The following SIK3 variants were observed in gnomAD, a reference collection of about 807,000 sequenced individuals.
The protein encoded by SIK3 is SIK family kinase 3, also known as serine/threonine-protein kinase SIK3.
A neutral mutation model predicts 144.2 loss-of-function variants in SIK3; 28 were observed. That is an observed-to-expected ratio of 0.19 (90% CI 0.14 to 0.27). The LOEUF is 0.27. Among genes scored for constraint, SIK3 ranks in the 10% least tolerant of loss-of-function variants. SIK3 has a pLI of 1.00. For synonymous variants in SIK3, 686 were observed against 676.3 expected (o/e 1.01, Z -0.22); for missense variants, 1,319 against 1,776.0 (o/e 0.74, Z 4.62).
At chr11:116,898,303 C>T (rs1945536681) in intron 4 of SIK3, among the ~76,000 whole-genome samples, 1 of 152,164 alleles carries the variant, frequency 6.6e-6, no homozygotes, top group South Asian at 2.1e-4. Flanking sequence ...AGGACATGAA[C>T]TCATCATTTT....
At chr11:117,005,240 C>T (rs367661858) in intron 1 of SIK3, among the ~76,000 whole-genome samples, 1 of 146,390 alleles carries the variant, frequency 6.8e-6, no homozygotes, top group African/African-American at 2.6e-5. Flanking sequence ...GTCAGGAGTT[C>T]GAGACCAGCC....
Position 116,849,745 on chromosome 11 carries a change from A to T in SIK3, c.3656-462T>A, listed in dbSNP as rs1400949410. On this transcript the variant is annotated intron_variant, in intron 21 of 24. Coordinates refer to ENST00000445177, the MANE Select transcript of SIK3 (RefSeq NM_001366686.3). This position sits in a 1 kb window ranked among gnomAD's most constrained non-coding sequence, Gnocchi z 4.2. ...TCTACTTCTCTAACTGCTGCTTCTG[A>T]CTCCTTTGATGGCCCCTCCACCCTT... 6.6e-6 allele frequency among the ~76,000 whole-genome samples: 1 copy of T among 150,956 alleles called. No individual in the cohort carries two copies. The highest frequency in any genetic ancestry group is 1.9e-4 in the East Asian group (1 of 5,130).
intron 1 of SIK3, among the ~76,000 whole-genome samples, chr11:117,003,973 C>A (rs1950950728): frequency 6.6e-6 from 1 of 152,140 alleles, no homozygotes; most frequent in Admixed American, 6.5e-5. Context: ...GAGCATCTAT[C>A]TACAAAAATT....
chr11:116,972,821 CAT>C (rs1491320276), intron 1 of SIK3, among the ~76,000 whole-genome samples: 1 of 152,120 alleles, frequency 6.6e-6, no homozygotes, highest in Non-Finnish European at 1.5e-5. Context: ...CACACACACA[CAT>C]AATGACAGAC....
chr11:117,023,615 A>ATATATATATATAT (rs1555131677), intron 1 of SIK3, among the ~76,000 whole-genome samples: 5 of 104,006 alleles, frequency 4.8e-5, no homozygotes, highest in East Asian at 5.2e-4. Context: ...CAAACAAAAA[A>ATATATATATATAT]AAAAAAATAT....
At chr11:116,986,924 T>C (rs1451226083) in intron 1 of SIK3, among the ~76,000 whole-genome samples, 6 of 152,042 alleles carry the variant, frequency 3.9e-5, no homozygotes, top group African/African-American at 9.7e-5. Flanking sequence ...CTCAAACTCA[T>C]AGAAACAGAA....
intron 1 of SIK3, among the ~76,000 whole-genome samples, chr11:116,977,470 T>C (rs11216209): frequency 0.073 from 11,024 of 152,048 alleles, 493 homozygotes; most frequent in Middle Eastern, 0.11. Context: ...GCTTTTTAGT[T>C]AAAAAAAGAC....
At chr11:116,944,813 G>C (rs1461696610) in intron 3 of SIK3, among the ~76,000 whole-genome samples, 2 of 152,182 alleles carry the variant, frequency 1.3e-5, no homozygotes, top group East Asian at 3.9e-4. Context: ...AGCAGAGTGA[G>C]GGGTGATCTT....
At chr11:116,931,205 G>C (rs754333838) in intron 3 of SIK3, among the ~76,000 whole-genome samples, 13 of 152,158 alleles carry the variant, frequency 8.5e-5, no homozygotes, top group Non-Finnish European at 1.8e-4. Flanking sequence ...TAGAAGTACA[G>C]GAAATCGATT....
At chr11:116,890,617 A>C (rs769361373) in intron 6 of SIK3, among the ~76,000 whole-genome samples, 4 of 152,272 alleles carry the variant, frequency 2.6e-5, no homozygotes, top group Non-Finnish European at 5.9e-5. Context: ...TAGTTACAAT[A>C]TAAAGCTTGG....
At chr11:116,938,573 G>GGACGGGATGGA (rs1244569670) in intron 3 of SIK3, among the ~76,000 whole-genome samples, 1 of 55,530 alleles carries the variant, frequency 1.8e-5, no homozygotes. Context: ...GAGGGGAGGG[G>GGACGGGATGGA]AGGGGAGGGG....
Position 117,055,988 on chromosome 11 carries a change from C to T in SIK3, c.273+42155G>A, listed in dbSNP as rs114072242. 7.8e-3 allele frequency among the ~76,000 whole-genome samples: 1,184 copies of T among 152,306 alleles called. 15 individuals are homozygous for T. The highest frequency in any genetic ancestry group is 0.026 in the African/African-American group (1,065 of 41,570). On this transcript the variant is annotated intron_variant, in intron 1 of 24. Transcript: ENST00000445177. ...ATAAAATTCTGTTATTTATAAATTA[C>T]CCAGTGTCAGGTATTCTCCTATAGC...
intron 1 of SIK3, among the ~76,000 whole-genome samples, chr11:116,962,416 A>G (rs571510155): frequency 2.4e-4 from 37 of 152,364 alleles, no homozygotes; most frequent in African/African-American, 8.7e-4. Context: ...TGCTTTTTAG[A>G]AGGAAAGAGA....
chr11:117,001,807 G>T (rs1017217891), intron 1 of SIK3, among the ~76,000 whole-genome samples: 7 of 152,160 alleles, frequency 4.6e-5, no homozygotes, highest in Admixed American at 2.0e-4. Flanking sequence ...AACAATTAAT[G>T]AGTCTCCAAT....
intron 1 of SIK3, among the ~76,000 whole-genome samples, chr11:117,077,136 C>T (rs1365763146): frequency 6.6e-6 from 1 of 152,156 alleles, no homozygotes; most frequent in Non-Finnish European, 1.5e-5. Context: ...CTGGCCTGGT[C>T]AACAGAGCAA....
chr11:117,058,594 G>T (rs572586712), intron 1 of SIK3, among the ~76,000 whole-genome samples: 1 of 151,436 alleles, frequency 6.6e-6, no homozygotes, highest in Non-Finnish European at 1.5e-5. Context: ...TAGATTTGTT[G>T]TTTTCTCTCT....
Position 116,844,656 on chromosome 11 carries a change from T to C in SIK3, c.*987A>G, listed in dbSNP as rs545591493. 0.1 allele frequency: 11,737 copies of C among 115,982 alleles called. 1,847 individuals carry two copies. The highest frequency in any genetic ancestry group is 0.36 in the African/African-American group (11,106 of 30,832). The allele number at this position is 115,982 out of a possible 1,614,324, so 7.2% of individuals were successfully genotyped here. A position where few individuals can be genotyped will look rare whatever the true frequency, so the allele number is the denominator to read the frequency against. ...TATATTATATTATATATTATATATA[T>C]AATATATATATACACATATATTATA... On this transcript the variant is annotated 3_prime_UTR_variant, in exon 25 of 25. Coordinates refer to ENST00000445177, the MANE Select transcript of SIK3 (RefSeq NM_001366686.3).
chr11:117,061,490 T>C (rs1953792963), intron 1 of SIK3, among the ~76,000 whole-genome samples: 1 of 152,144 alleles, frequency 6.6e-6, no homozygotes, highest in Non-Finnish European at 1.5e-5. Context: ...CACTGGCAAA[T>C]TGGGGATAAT....
At chr11:116,947,583 T>G (rs1303110346) in intron 3 of SIK3, among the ~76,000 whole-genome samples, 1 of 146,352 alleles carries the variant, frequency 6.8e-6, no homozygotes, top group Non-Finnish European at 1.5e-5. Context: ...TTTTTTTTTT[T>G]GAGACAGAGT....
Sources: gnomAD v4.1 joint callset for allele counts (sites outside exome capture counted in the v4.1 genomes callset) on GRCh38, gnomAD v4.1.1 for gene constraint, Gnocchi (gnomAD v3.1) non-coding constraint, MANE v1.5 for transcripts, NCBI Gene and HGNC (gene_info 2026-07-23, HGNC 2026-07-21) for gene names.